KHDRBS2: variants seen among roughly 807,000 people sequenced by gnomAD.
KHDRBS2 encodes the protein KH domain-containing, RNA-binding, signal transduction-associated protein 2.
Under a neutral mutation model 44.3 loss-of-function variants are expected in KHDRBS2, and 26 were observed. That is an observed-to-expected ratio of 0.59 (90% CI 0.43 to 0.81). The LOEUF is 0.81. KHDRBS2 is among the 40% of genes least tolerant of loss of function. KHDRBS2 has a pLI of 0.00. For synonymous variants in KHDRBS2, 194 were observed against 151.1 expected (o/e 1.28, Z -2.08); for missense variants, 476 against 433.1 (o/e 1.10, Z -0.88).
chr6:61,860,870 C>T lies in KHDRBS2; in HGVS notation c.810+33765G>A, dbSNP rs150970168. ...AGCATTATTTTTTTCTCCACAATCT[C>T]GACAGCATCTGTTCTTTTTTGACCT... On this transcript the variant is annotated intron_variant, in intron 6 of 8. Transcript: ENST00000281156. Among the ~76,000 whole-genome samples, 8 of 152,166 alleles carry T rather than the reference C, an allele frequency of 5.3e-5. No homozygotes were observed. The East Asian group carries it at 9.7e-4, about 18-fold the overall frequency.
rs538861684 is a variant in KHDRBS2, at chr6:62,280,825, C to T, written c.91+5033G>A. 1.2e-4 allele frequency among the ~76,000 whole-genome samples: 19 copies of T among 152,148 alleles called. No individual in the cohort carries two copies. In the South Asian group the frequency reaches 3.7e-3, roughly 30 times the overall value. On this transcript the variant is annotated intron_variant, in intron 1 of 8. Coordinates refer to ENST00000281156, the MANE Select transcript of KHDRBS2 (RefSeq NM_152688.4). ...TAAAGGATTTAACTACAGAATGAGT[C>T]CAGAGATGAAGAGCATTTGGGTCAA... is the stretch of plus-strand genomic sequence containing the variant.
intron 7 of KHDRBS2, among the ~76,000 whole-genome samples, chr6:61,719,481 T>C (rs1489876103): frequency 6.6e-6 from 1 of 152,102 alleles, no homozygotes; most frequent in East Asian, 1.9e-4. Flanking sequence ...AAAAAGGTTA[T>C]CAGAACATGA....
chr6:62,044,011 T>C (rs1787123551), intron 3 of KHDRBS2, among the ~76,000 whole-genome samples: 1 of 152,134 alleles, frequency 6.6e-6, no homozygotes, highest in South Asian at 2.1e-4. Context: ...GTCTAATACT[T>C]TTTATATAGC....
chr6:61,719,535 G>A (rs1479518244), intron 7 of KHDRBS2, among the ~76,000 whole-genome samples: 1 of 152,026 alleles, frequency 6.6e-6, no homozygotes, highest in Non-Finnish European at 1.5e-5. Flanking sequence ...TTAATCCCAG[G>A]ATGTAACTTG....
intron 1 of KHDRBS2, among the ~76,000 whole-genome samples, chr6:62,196,932 C>T (rs1241652749): frequency 1.3e-5 from 2 of 152,106 alleles, no homozygotes; most frequent in African/African-American, 4.8e-5. Flanking sequence ...TAGATGTCTT[C>T]TCTAGCCCAG....
chr6:61,894,393 A>G (rs1178593520), intron 6 of KHDRBS2, among the ~76,000 whole-genome samples: 1 of 152,140 alleles, frequency 6.6e-6, no homozygotes, highest in Non-Finnish European at 1.5e-5. Context: ...CTTCCTAAGG[A>G]TAAGTTTGGT....
At chr6:62,173,117 CA>C (rs759058980) in intron 2 of KHDRBS2, among the ~76,000 whole-genome samples, 4 of 149,006 alleles carry the variant, frequency 2.7e-5, no homozygotes, top group Non-Finnish European at 4.5e-5. Flanking sequence ...TTGTAACATG[CA>C]AAAAACACAA....
intron 6 of KHDRBS2, among the ~76,000 whole-genome samples, chr6:61,818,565 A>C (rs1204780182): frequency 6.6e-6 from 1 of 151,956 alleles, no homozygotes; most frequent in African/African-American, 2.4e-5. Flanking sequence ...GCCTAGAAGA[A>C]ATGCACTTCA....
intron 2 of KHDRBS2, among the ~76,000 whole-genome samples, chr6:62,096,053 C>T (rs765007566): frequency 2.6e-5 from 4 of 151,920 alleles, no homozygotes; most frequent in Admixed American, 1.3e-4. Context: ...CCATACGTAT[C>T]CCTGGGATGA....
At chr6:61,754,471 G>A (rs946776350) in intron 6 of KHDRBS2, among the ~76,000 whole-genome samples, 2 of 151,894 alleles carry the variant, frequency 1.3e-5, no homozygotes, top group African/African-American at 4.8e-5. Context: ...AGAATCAGGG[G>A]TTACAAACCT....
At chr6:61,608,803 G>A in the KHDRBS2 span, among the ~76,000 whole-genome samples, 1 of 152,166 alleles carries the variant, frequency 6.6e-6, no homozygotes, top group African/African-American at 2.4e-5. Flanking sequence ...ATTCCATGGT[G>A]TATATGTGCC....
chr6:61,545,501 C>CTGTGTGTGTGTGTGTGTGTGTG, the KHDRBS2 span, among the ~76,000 whole-genome samples: 55 of 148,442 alleles, frequency 3.7e-4, no homozygotes, highest in South Asian at 1.3e-3. Flanking sequence ...TAGCTAATCT[C>CTGTGTGTGTGTGTGTGTGTGTG]TGTGTGTGTG....
At chr6:61,655,012 T>C in the KHDRBS2 span, among the ~76,000 whole-genome samples, 1 of 151,764 alleles carries the variant, frequency 6.6e-6, no homozygotes, top group African/African-American at 2.4e-5. Flanking sequence ...TGAGACAGCT[T>C]TCTGGGAAAT....
chr6:62,018,286 A>G (rs1781589291), intron 3 of KHDRBS2, among the ~76,000 whole-genome samples: 1 of 149,342 alleles, frequency 6.7e-6, no homozygotes, highest in South Asian at 2.1e-4. Context: ...ATATTCACAC[A>G]CTATATATAT....
intron 2 of KHDRBS2, among the ~76,000 whole-genome samples, chr6:62,141,390 G>T (rs1274822869): frequency 6.6e-6 from 1 of 152,088 alleles, no homozygotes; most frequent in Non-Finnish European, 1.5e-5. Flanking sequence ...CATGATAGAA[G>T]AATTGGCAAA....
At chr6:61,597,635 G>C in the KHDRBS2 span, among the ~76,000 whole-genome samples, 1 of 149,556 alleles carries the variant, frequency 6.7e-6, no homozygotes, top group African/African-American at 2.5e-5. Context: ...GAAGGTGGCA[G>C]AATGGGGGAC....
At chr6:61,572,061 A>C in the KHDRBS2 span, among the ~76,000 whole-genome samples, 1 of 152,110 alleles carries the variant, frequency 6.6e-6, no homozygotes, top group African/African-American at 2.4e-5. Context: ...CCAAATTGAT[A>C]GATCATCAGA....
At chr6:61,871,132 A>G (rs1366911064) in intron 6 of KHDRBS2, among the ~76,000 whole-genome samples, 2 of 152,192 alleles carry the variant, frequency 1.3e-5, no homozygotes, top group Non-Finnish European at 2.9e-5. Flanking sequence ...ATGACTTGCT[A>G]ACTAGAATAA....
At chr6:61,917,453 G>T (rs1807227370) in intron 4 of KHDRBS2, among the ~76,000 whole-genome samples, 1 of 151,830 alleles carries the variant, frequency 6.6e-6, no homozygotes, top group Non-Finnish European at 1.5e-5. Flanking sequence ...CAAAATTACA[G>T]AGACAATAAT....
Sources: allele counts gnomAD v4.1 joint callset (sites outside exome capture counted in the v4.1 genomes callset), GRCh38; gene constraint gnomAD v4.1.1; transcripts MANE v1.5; gene names NCBI Gene and HGNC (gene_info 2026-07-23, HGNC 2026-07-21).